The following ACSM2A variants were observed in gnomAD, a reference collection of about 807,000 sequenced individuals.
ACSM2A encodes the protein acyl-CoA synthetase medium chain family member 2A.
Under a neutral mutation model 76.6 loss-of-function variants are expected in ACSM2A, and 72 were observed. The observed-to-expected ratio is 0.94, with a 90% CI of 0.78 to 1.14. ACSM2A has a LOEUF of 1.14. Among genes scored for constraint, ACSM2A ranks in the 50% most tolerant of loss-of-function variants. The pLI is 0.00. For missense variants in ACSM2A, 684 were observed against 708.5 expected, an observed-to-expected ratio of 0.97 and a Z score of 0.39; for synonymous variants, 249 against 255.9, an observed-to-expected ratio of 0.97 and a Z score of 0.26.
rs1241812736 is a variant in ACSM2A, at chr16:20,451,660, A to T, written c.-30A>T. On this transcript the variant is annotated 5_prime_UTR_variant, in exon 1 of 14. Coordinates refer to ENST00000573854, the MANE Select transcript of ACSM2A (RefSeq NM_001308172.2). ...GGTGGACGAAGCTCTCTCTAGAAAG[A>T]CATCCTGAGAGGACTTGGCAGGTGA... 6.6e-6 allele frequency: 1 copy of T among 152,400 alleles called. No individual in the cohort carries two copies. The highest frequency in any genetic ancestry group is 1.5e-5 in the Non-Finnish European group (1 of 68,440). The allele number at this position is 152,400 out of a possible 1,614,324, so 9.4% of individuals were successfully genotyped here. A position where few individuals can be genotyped will look rare whatever the true frequency, so the allele number is the denominator to read the frequency against.
intron 1 of ACSM2A, chr16:20,453,118 A>G (rs2011887367): frequency 6.6e-6 from 1 of 151,988 alleles, no homozygotes; most frequent in African/African-American, 2.4e-5. Flanking sequence ...GAAATTGTGG[A>G]AAAATAGACA....
Position 20,486,643 on chromosome 16 carries a change from G to A in ACSM2A, c.1699G>A (p.Glu567Lys). The A allele has an allele frequency of 6.2e-7, 1 of 1,614,186 alleles. No homozygotes were observed. The highest frequency in any genetic ancestry group is 2.2e-5 in the East Asian group (1 of 44,894). ...KIQRAKLRDK[E>K]WKMSGKARAQ Reference sequence around the variant, plus strand: ...TCAACGAGCCAAGCTTCGAGACAAGGAGTGGAAGATGTCCGGAAAAGCCCG... The same window carrying A: ...TCAACGAGCCAAGCTTCGAGACAAGAAGTGGAAGATGTCCGGAAAAGCCCG... Residue 567 changes from glutamate to lysine, a missense_variant, in exon 14 of 14, where the codon GAG (glutamate) becomes AAG (lysine). By Grantham distance (56) the Glu-to-Lys change is moderately conservative. Transcript: ENST00000573854.
intron 8 of ACSM2A, chr16:20,476,583 G>A (rs1199161995): frequency 1.0e-6 from 1 of 985,464 alleles, no homozygotes; most frequent in African/African-American, 1.7e-5. Flanking sequence ...CCATTCAGAG[G>A]AGGACATGTT....
chr16:20,454,871 G>A (rs972642080), intron 1 of ACSM2A, among the ~76,000 whole-genome samples: 8 of 148,698 alleles, frequency 5.4e-5, no homozygotes, highest in Non-Finnish European at 7.4e-5. Context: ...AATCAAAGAG[G>A]CACCAGAAAA....
intron 1 of ACSM2A, among the ~76,000 whole-genome samples, chr16:20,457,614 A>C (rs2012266834): frequency 6.6e-6 from 1 of 152,100 alleles, no homozygotes; most frequent in Non-Finnish European, 1.5e-5. Context: ...AAAATCCAGC[A>C]TCCTCTTATG....
chr16:20,475,547 A>G (rs2013683950), intron 7 of ACSM2A, 103 bp from the exon 8 acceptor site: 6 of 1,604,400 alleles, frequency 3.7e-6, no homozygotes, highest in Non-Finnish European at 5.1e-6. Flanking sequence ...AGAGAGCCCC[A>G]TGAAGCCATT....
rs1234883193 is a variant in ACSM2A at position 20,458,931 on chromosome 16, T to C, written c.-8-1176T>C. On this transcript the variant is annotated intron_variant, in intron 1 of 13. Coordinates refer to ENST00000573854, the MANE Select transcript of ACSM2A (RefSeq NM_001308172.2). Reference sequence around the variant, plus strand: ...ATATATATATATATATATATATATATACATATATATATATAATGAAATACT... The same window carrying C: ...ATATATATATATATATATATATATACACATATATATATATAATGAAATACT... 3.9e-3 allele frequency among the ~76,000 whole-genome samples: 222 copies of C among 56,722 alleles called. 2 individuals are homozygous for C. In the East Asian group the frequency reaches 0.14, roughly 35 times the overall value. 37.2% of individuals were successfully genotyped at this position (56,722 alleles called of 152,430 possible).
In ACSM2A at chr16:20,451,554, G is replaced by A. The variant is rs2011741180; in HGVS notation, c.-136G>A. On this transcript the variant is annotated 5_prime_UTR_variant, in exon 1 of 14. Transcript: ENST00000573854. The stretch of plus-strand genomic sequence containing the variant: ...GCTGAGCTCTCTTTCTGACAGTGCA[G>A]GGATTCTGAAGCTGTCTGCTTGAGT... 6.6e-6 allele frequency: 1 copy of A among 151,842 alleles called. No homozygotes were observed. The highest frequency in any genetic ancestry group is 1.5e-5 in the Non-Finnish European group (1 of 67,960). The allele number at this position is 151,842 out of a possible 1,614,324, so 9.4% of individuals were successfully genotyped here. A position where few individuals can be genotyped will look rare whatever the true frequency, so the allele number is the denominator to read the frequency against.
intron 4 of ACSM2A, among the ~76,000 whole-genome samples, chr16:20,470,650 G>C (rs1429359027): frequency 6.6e-6 from 1 of 152,168 alleles, no homozygotes; most frequent in Non-Finnish European, 1.5e-5. Flanking sequence ...TGCCAAGAAA[G>C]TACTTGGAAA....
At chr16:20,462,644 T>C (rs1487473013) in intron 2 of ACSM2A, among the ~76,000 whole-genome samples, 1 of 152,128 alleles carries the variant, frequency 6.6e-6, no homozygotes, top group Non-Finnish European at 1.5e-5. Context: ...CCCCTGAGGA[T>C]ACATGAGACT....
chr16:20,481,312 G>A (rs2014068919), intron 12 of ACSM2A: 2 of 211,622 alleles, frequency 9.5e-6, no homozygotes, highest in South Asian at 2.0e-4. Flanking sequence ...CGAAGATATG[G>A]GATCAACCTA....
At position 20,460,412 on chromosome 16, in the gene ACSM2A, G is replaced by A. The variant is rs556612127; in HGVS notation, c.177+121G>A. On this transcript the variant is annotated intron_variant, in intron 2 of 13. Transcript: ENST00000573854. ...ATGTAAGGCACTGTAATAAGCTATG[G>A]ACAAGACACTCGTCTTCCATGAAGG... The A allele has an allele frequency of 4.0e-4, 586 of 1,481,348 alleles. 5 individuals are homozygous for A. The African/African-American group carries it at 6.5e-3, about 16-fold the overall frequency. 91.8% of individuals were successfully genotyped at this position (1,481,348 alleles called of 1,614,324 possible).
intron 13 of ACSM2A, 126 bp from the exon 14 acceptor site, chr16:20,486,448 G>A (rs2014386033): frequency 2.0e-6 from 2 of 990,722 alleles, no homozygotes; most frequent in Non-Finnish European, 3.1e-6. Flanking sequence ...GCTTCTTATT[G>A]CACAGGGCAG....
chr16:20,459,947 A>G (rs573048627), intron 1 of ACSM2A, among the ~76,000 whole-genome samples, 160 bp from the exon 2 acceptor site: 1 of 152,148 alleles, frequency 6.6e-6, no homozygotes, highest in Non-Finnish European at 1.5e-5. Context: ...CCCCACAAGG[A>G]GACTGAAACA....
chr16:20,486,613 A>G lies in ACSM2A; in HGVS notation c.1669A>G (p.Lys557Glu). Reference sequence around the variant, plus strand: ...GAACCTGCCCAAGACTGTCACAGGGAAAATTCAACGAGCCAAGCTTCGAGA... The same window carrying G: ...GAACCTGCCCAAGACTGTCACAGGGGAAATTCAACGAGCCAAGCTTCGAGA... ...VLNLPKTVTG[K>E]IQRAKLRDKE... Residue 557 changes from lysine to glutamate, a missense_variant, in exon 14 of 14, where the codon AAA becomes GAA. Physicochemically the swap from Lys to Glu is moderately conservative, Grantham distance 56 (BLOSUM62 1). Transcript: ENST00000573854. 6.2e-7 allele frequency: 1 copy of G among 1,614,196 alleles called. No homozygotes were observed. The highest frequency in any genetic ancestry group is 1.6e-4 in the Middle Eastern group (1 of 6,062).
At chr16:20,462,277 C>A (rs2012668538) in intron 2 of ACSM2A, among the ~76,000 whole-genome samples, 1 of 152,034 alleles carries the variant, frequency 6.6e-6, no homozygotes, top group Non-Finnish European at 1.5e-5. Context: ...AATTGAGACC[C>A]CTACCATCTA....
At chr16:20,471,294 T>C (rs1429077410) in intron 5 of ACSM2A, 78 bp downstream of exon 5, 56 of 1,559,678 alleles carry the variant, frequency 3.6e-5, no homozygotes, top group Non-Finnish European at 4.5e-5. Context: ...AATTATATAT[T>C]AAGTCAGGTC....
At chr16:20,481,333 G>A in intron 12 of ACSM2A, 1 of 193,440 alleles carries the variant, frequency 5.2e-6, no homozygotes, top group Non-Finnish European at 1.1e-5. Flanking sequence ...AGTATCCAGT[G>A]GATGAAAGGA....
At chr16:20,462,887 C>T in intron 2 of ACSM2A, among the ~76,000 whole-genome samples, 1 of 151,944 alleles carries the variant, frequency 6.6e-6, no homozygotes, top group East Asian at 1.9e-4. Context: ...TTCACAGTAG[C>T]TTTATTCACA....
Sources: allele counts gnomAD v4.1 joint callset (sites outside exome capture counted in the v4.1 genomes callset), GRCh38; gene constraint gnomAD v4.1.1; transcripts MANE v1.5; gene names NCBI Gene and HGNC (gene_info 2026-07-23, HGNC 2026-07-21).